Variants in PTPRM observed in about 807,000 individuals in gnomAD.
PTPRM encodes receptor-type tyrosine-protein phosphatase mu.
In PTPRM, 47 loss-of-function variants were observed where a neutral mutation model predicts 186.7. The ratio of observed to expected loss-of-function variants is 0.25; its 90% CI spans 0.20 to 0.32. The LOEUF is 0.32. Ranked by LOEUF, PTPRM falls within the 10% of genes least tolerant of loss-of-function variation. The pLI is 1.00. For synonymous variants in PTPRM, 668 were observed against 674.9 expected, an observed-to-expected ratio of 0.99 and a Z score of 0.16; for missense variants, 1,494 against 1,865.0, an observed-to-expected ratio of 0.80 and a Z score of 3.66.
At chr18:7,935,735 C>T (rs34538277) in intron 5 of PTPRM, among the ~76,000 whole-genome samples, 344 of 152,190 alleles carry the variant, frequency 2.3e-3, no homozygotes, top group Non-Finnish European at 4.2e-3. Context: ...TTTTGTGTTG[C>T]TGGGGTTTGG....
At chr18:7,750,981 C>G (rs7231089) in intron 1 of PTPRM, 10 of 138,734 alleles carry the variant, frequency 7.2e-5, no homozygotes, top group African/African-American at 2.3e-4. Context: ...ACATAGCCCC[C>G]CTCCCCGCAG....
intron 1 of PTPRM, among the ~76,000 whole-genome samples, chr18:7,744,762 A>G (rs774618780): frequency 6.6e-6 from 1 of 152,134 alleles, no homozygotes; most frequent in Non-Finnish European, 1.5e-5. Context: ...AATTGTGTTC[A>G]TCGACTTTTA....
At chr18:8,089,350 T>C (rs1287455554) in intron 11 of PTPRM, among the ~76,000 whole-genome samples, 1 of 152,224 alleles carries the variant, frequency 6.6e-6, no homozygotes, top group African/African-American at 2.4e-5. Context: ...TTGTGAAGTC[T>C]TTATCTGAAC....
intron 22 of PTPRM, 61 bp from the exon 23 acceptor site, chr18:8,343,362 G>T (rs932013725): frequency 2.7e-6 from 4 of 1,482,168 alleles, no homozygotes; most frequent in Admixed American, 3.5e-5. Context: ...TGTAAGCCCC[G>T]GAAATTTTCC....
At chr18:7,604,401 T>C (rs1448771463) in intron 1 of PTPRM, among the ~76,000 whole-genome samples, 1 of 152,194 alleles carries the variant, frequency 6.6e-6, no homozygotes, top group Non-Finnish European at 1.5e-5. Context: ...TTGATTCCTG[T>C]GGAATATGTG....
chr18:7,937,338 G>T (rs1379409878), intron 5 of PTPRM, among the ~76,000 whole-genome samples: 1 of 152,194 alleles, frequency 6.6e-6, no homozygotes, highest in African/African-American at 2.4e-5. Flanking sequence ...AAGTTTCTGG[G>T]TGCCACCACG....
intron 1 of PTPRM, among the ~76,000 whole-genome samples, chr18:7,757,723 G>T (rs1241109552): frequency 2.0e-5 from 3 of 152,142 alleles, no homozygotes; most frequent in African/African-American, 7.2e-5. Flanking sequence ...TGTGGCAGTG[G>T]GTCTTAATGG....
chr18:8,069,762 T>C lies in PTPRM; in HGVS notation c.1209T>C (p.Phe403=). Residue 403 remains phenylalanine, a synonymous_variant, in exon 8 of 33, where the codon TTT becomes TTC. Transcript: ENST00000580170. ...AAATCACTATCCGCTGGGAGCCATT[T>C]GGATATAATGTAACTCGTTGCCACA... ...SRQITIRWEP[F]GYNVTRCHSY... 6.2e-7 allele frequency: 1 copy of C among 1,613,924 alleles called. No individual in the cohort carries two copies. The highest frequency in any genetic ancestry group is 8.5e-7 in the Non-Finnish European group (1 of 1,179,760).
At chr18:7,891,746 G>A (rs1022826702) in intron 3 of PTPRM, among the ~76,000 whole-genome samples, 3 of 152,068 alleles carry the variant, frequency 2.0e-5, no homozygotes, top group East Asian at 1.9e-4. Flanking sequence ...ATGGTGGTGC[G>A]TGCCCGTAGT....
intron 7 of PTPRM, among the ~76,000 whole-genome samples, chr18:7,982,518 A>AG (rs1397421613): frequency 5.4e-5 from 8 of 147,434 alleles, no homozygotes; most frequent in African/African-American, 1.9e-4. Context: ...CTTCACAGTT[A>AG]ACTTTTTTTT....
chr18:8,363,140 T>C (rs1023881943), intron 23 of PTPRM, among the ~76,000 whole-genome samples: 4 of 152,210 alleles, frequency 2.6e-5, no homozygotes, highest in Non-Finnish European at 5.9e-5. Context: ...AAGCACAGGA[T>C]TTCCCTCATT....
At position 8,378,346 on chromosome 18, in the gene PTPRM, T is replaced by G; in HGVS notation, c.3544T>G (p.Ser1182Ala). 6.2e-7 allele frequency: 1 copy of G among 1,613,878 alleles called. No individual in the cohort carries two copies. Among genetic ancestry groups the G allele is most frequent in the Non-Finnish European group, 8.5e-7 (1 of 1,179,822 alleles). Residue 1182 changes from serine to alanine, a missense_variant, in exon 27 of 33, where the codon TCT becomes GCT. Ser to Ala is a moderately conservative substitution (Grantham distance 99). Around this residue, in one of 3 missense-constraint regions of PTPRM, gnomAD observed 1,107 missense variants for 1,350.2 expected, o/e 0.82. Coordinates refer to ENST00000580170, the MANE Select transcript of PTPRM (RefSeq NM_001105244.2). ...CTCTGTGCCTGCTTCCCAAGTTAGG[T>G]CTCTGTATTATGACATGAACAAACT... Reference protein sequence around the residue: ...DTSVPASQVRSLYYDMNKLDP... With the variant: ...DTSVPASQVRALYYDMNKLDP...
intron 2 of PTPRM, among the ~76,000 whole-genome samples, chr18:7,774,565 G>T (rs2042490585): frequency 6.6e-6 from 1 of 152,198 alleles, no homozygotes; most frequent in South Asian, 2.1e-4. Context: ...AAAAGATTGA[G>T]ATCTCTTCTG....
chr18:8,384,919 C>CA (rs760825466), intron 30 of PTPRM, among the ~76,000 whole-genome samples: 2 of 152,212 alleles, frequency 1.3e-5, no homozygotes, highest in Non-Finnish European at 2.9e-5. Flanking sequence ...TCAAGACCAT[C>CA]ACGATAGGTG....
At chr18:7,718,070 A>C (rs111959289) in intron 1 of PTPRM, among the ~76,000 whole-genome samples, 2 of 152,054 alleles carry the variant, frequency 1.3e-5, no homozygotes, top group African/African-American at 4.8e-5. Flanking sequence ...AAAAAATTTA[A>C]ATTCATATGG....
chr18:8,393,208 T>C (rs1298699873), intron 31 of PTPRM, among the ~76,000 whole-genome samples: 2 of 152,206 alleles, frequency 1.3e-5, no homozygotes, highest in Non-Finnish European at 2.9e-5. Flanking sequence ...ATAAGACAGA[T>C]GGACATCCTG....
At chr18:7,574,320 A>G (rs2143388611) in intron 1 of PTPRM, among the ~76,000 whole-genome samples, 1 of 152,332 alleles carries the variant, frequency 6.6e-6, no homozygotes, top group East Asian at 1.9e-4. Flanking sequence ...ACCACGATGT[A>G]ACAATTAAAT....
intron 19 of PTPRM, among the ~76,000 whole-genome samples, chr18:8,259,727 A>C (rs1477018730): frequency 1.3e-5 from 2 of 151,850 alleles, no homozygotes; most frequent in Non-Finnish European, 2.9e-5. Context: ...AGTTCACTGC[A>C]ACCTTCGCCT....
chr18:7,728,829 A>C (rs2040599450), intron 1 of PTPRM, among the ~76,000 whole-genome samples: 2 of 152,220 alleles, frequency 1.3e-5, no homozygotes, highest in Non-Finnish European at 1.5e-5. Flanking sequence ...ACTATTTGTA[A>C]ACTCTACCTC....
Sources: allele counts gnomAD v4.1 joint callset (sites outside exome capture counted in the v4.1 genomes callset), GRCh38; gene constraint gnomAD v4.1.1; regional missense constraint gnomAD v4.1.1; transcripts MANE v1.5; gene names NCBI Gene and HGNC (gene_info 2026-07-23, HGNC 2026-07-21).